ZDHHC21: variants seen among roughly 807,000 people sequenced by gnomAD.
ZDHHC21 encodes palmitoyltransferase ZDHHC21.
In ZDHHC21, 15 loss-of-function variants were observed where a neutral mutation model predicts 34.6. That is an observed-to-expected ratio of 0.43 (90% CI 0.29 to 0.67). ZDHHC21 has a LOEUF of 0.67. Ranked by LOEUF, ZDHHC21 falls within the 30% of genes least tolerant of loss-of-function variation. The pLI, the probability that ZDHHC21 is intolerant of heterozygous loss-of-function variation, is 0.14. For missense variants in ZDHHC21, 344 were observed against 327.7 expected, an observed-to-expected ratio of 1.05 and a Z score of -0.38; for synonymous variants, 142 against 101.8, an observed-to-expected ratio of 1.40 and a Z score of -2.38.
chr9:14,655,361 G>C (rs1044209309), intron 7 of ZDHHC21, among the ~76,000 whole-genome samples: 13 of 152,038 alleles, frequency 8.6e-5, no homozygotes, highest in African/African-American at 3.1e-4. Context: ...GAAAAAATAA[G>C]CCTAGAGGAG....
the ZDHHC21 span, among the ~76,000 whole-genome samples, chr9:14,605,205 T>C: frequency 4.0e-5 from 1 of 24,862 alleles, no homozygotes; most frequent in African/African-American, 9.3e-5. Context: ...CCTGGTTTCA[T>C]TTTTTTTTTT....
At chr9:14,632,135 T>C (rs1326502923) in intron 8 of ZDHHC21, among the ~76,000 whole-genome samples, 4 of 151,960 alleles carry the variant, frequency 2.6e-5, no homozygotes, top group African/African-American at 4.8e-5. Flanking sequence ...ATAGCATATA[T>C]ACTGTGGATA....
chr9:14,613,677 G>C lies in ZDHHC21; in HGVS notation c.*5289C>G, dbSNP rs1475951664. The C allele has an allele frequency of 1.3e-5, 2 of 151,740 alleles. No individual in the cohort carries two copies. The highest frequency in any genetic ancestry group is 3.0e-5 in the Non-Finnish European group (2 of 67,744). 9.4% of individuals were successfully genotyped at this position (151,740 alleles called of 1,614,324 possible). ...GATATTCAAAATACCAATAGAAATGGAGACCTTCGAGGTATCAAGAACTCC... is the reference window on the plus strand; with the variant it reads ...GATATTCAAAATACCAATAGAAATGCAGACCTTCGAGGTATCAAGAACTCC... On this transcript the variant is annotated 3_prime_UTR_variant, in exon 10 of 10. Transcript: ENST00000380916.
chr9:14,641,550 T>C (rs1264245239), intron 7 of ZDHHC21, among the ~76,000 whole-genome samples: 1 of 152,112 alleles, frequency 6.6e-6, no homozygotes, highest in Non-Finnish European at 1.5e-5. Context: ...TGTACCCAGA[T>C]GAACCAAAAT....
rs1288357187 is a variant in ZDHHC21, at chr9:14,668,252, T to C, written c.253+4578A>G. Among the ~76,000 whole-genome samples, 17 of 138,850 alleles carry C rather than the reference T, an allele frequency of 1.2e-4. No homozygotes were observed. The East Asian group carries it at 1.3e-3, about 10-fold the overall frequency. The allele number at this position is 138,850 out of a possible 152,430, so 91.1% of individuals were successfully genotyped here. On this transcript the variant is annotated intron_variant, in intron 5 of 9. Transcript: ENST00000380916. ...ATCATGAGTGAACTCCCATTCACAA[T>C]TGCCTCAAAGAGAATAAAATACCTA...
chr9:14,690,519 A>G, intron 1 of ZDHHC21, 134 bp from the exon 2 acceptor site: 1 of 372,810 alleles, frequency 2.7e-6, no homozygotes, highest in Non-Finnish European at 5.2e-6. Context: ...CCTTTTGTAG[A>G]AGGGGCAACA....
chr9:14,632,859 A>C (rs1011506409), intron 8 of ZDHHC21, among the ~76,000 whole-genome samples: 4 of 152,180 alleles, frequency 2.6e-5, no homozygotes, highest in African/African-American at 9.6e-5. Flanking sequence ...ATCACCAGGG[A>C]AATGCAAATT....
chr9:14,670,125 C>G (rs547769306), intron 5 of ZDHHC21, among the ~76,000 whole-genome samples: 3 of 151,878 alleles, frequency 2.0e-5, no homozygotes, highest in Non-Finnish European at 2.9e-5. Context: ...CACTAAAAGG[C>G]GATATAAAAA....
At chr9:14,636,456 T>C (rs1172484163) in intron 8 of ZDHHC21, among the ~76,000 whole-genome samples, 1 of 152,152 alleles carries the variant, frequency 6.6e-6, no homozygotes, top group Non-Finnish European at 1.5e-5. Context: ...AATACAGTAA[T>C]AGTTGAGGAC....
rs1295103123 is a variant in ZDHHC21 at position 14,664,961 on chromosome 9, G to A, written c.254-2635C>T. ...AGCGTCTCTCCTCCTCCAAAGGAAC[G>A]CAGTTCCTCACCAGCAACAGAACAA... On this transcript the variant is annotated intron_variant, in intron 5 of 9. Transcript: ENST00000380916. 3.1e-3 allele frequency among the ~76,000 whole-genome samples: 468 copies of A among 149,422 alleles called. 3 individuals are homozygous for A. The highest frequency in any genetic ancestry group is 0.011 in the African/African-American group (446 of 40,444).
intron 6 of ZDHHC21, 68 bp from the exon 7 acceptor site, chr9:14,658,955 A>C: frequency 1.3e-6 from 2 of 1,491,934 alleles, no homozygotes; most frequent in Non-Finnish European, 1.8e-6. Flanking sequence ...GATCAATAAG[A>C]CTAAATTAAA....
intron 4 of ZDHHC21, among the ~76,000 whole-genome samples, chr9:14,673,135 A>G (rs542849409): frequency 6.6e-6 from 1 of 152,048 alleles, no homozygotes; most frequent in Non-Finnish European, 1.5e-5. Flanking sequence ...AATCATTACT[A>G]ATTTTAATTA....
chr9:14,619,803 T>C (rs1824961816), intron 8 of ZDHHC21, 121 bp from the exon 9 acceptor site: 1 of 482,468 alleles, frequency 2.1e-6, no homozygotes, highest in Middle Eastern at 6.7e-4. Flanking sequence ...ACAGTTTATA[T>C]ATGAGTATTA....
intron 8 of ZDHHC21, among the ~76,000 whole-genome samples, chr9:14,633,654 G>C (rs1175070096): frequency 6.6e-6 from 1 of 152,028 alleles, no homozygotes; most frequent in Non-Finnish European, 1.5e-5. Flanking sequence ...TGCTGCAGTT[G>C]GCTGCTACCA....
At chr9:14,643,964 G>T (rs950977094) in intron 7 of ZDHHC21, among the ~76,000 whole-genome samples, 25 of 152,098 alleles carry the variant, frequency 1.6e-4, no homozygotes, top group Non-Finnish European at 2.6e-4. Flanking sequence ...TTGCAAGAAC[G>T]TCTTGATTAT....
intron 5 of ZDHHC21, among the ~76,000 whole-genome samples, chr9:14,670,276 T>C (rs1026110432): frequency 1.3e-5 from 2 of 152,134 alleles, no homozygotes; most frequent in African/African-American, 4.8e-5. Flanking sequence ...CACTTGGCAA[T>C]AGTTAGAGAA....
At chr9:14,655,691 G>A (rs1308160047) in intron 7 of ZDHHC21, among the ~76,000 whole-genome samples, 2 of 151,430 alleles carry the variant, frequency 1.3e-5, no homozygotes, top group Non-Finnish European at 1.5e-5. Context: ...AAAAGAAAAA[G>A]CCATTAGAAA....
rs1277406760 is a variant in ZDHHC21, at chr9:14,617,907, G to C, written c.*1059C>G. ...TACACAAAGTTAGTGACTTTTTTTA[G>C]TAGTAGCTTCCTATAAATAAAATTT... On this transcript the variant is annotated 3_prime_UTR_variant, in exon 10 of 10. Transcript: ENST00000380916. 2.0e-5 allele frequency: 3 copies of C among 151,850 alleles called. No homozygotes were observed. Among genetic ancestry groups the C allele is most frequent in the South Asian group, 4.1e-4 (2 of 4,822 alleles). 9.4% of individuals were successfully genotyped at this position (151,850 alleles called of 1,614,324 possible).
At chr9:14,659,370 C>G (rs1832941442) in intron 6 of ZDHHC21, among the ~76,000 whole-genome samples, 1 of 152,180 alleles carries the variant, frequency 6.6e-6, no homozygotes, top group African/African-American at 2.4e-5. Context: ...TAAGCATTCA[C>G]TTTTCATTTT....
Sources: allele counts gnomAD v4.1 joint callset (sites outside exome capture counted in the v4.1 genomes callset), GRCh38; gene constraint gnomAD v4.1.1; transcripts MANE v1.5; gene names NCBI Gene and HGNC (gene_info 2026-07-23, HGNC 2026-07-21).